Variants in SBNO2 observed in about 807,000 individuals in gnomAD.
SBNO2 encodes the protein strawberry notch homolog 2, also known as protein strawberry notch homolog 2.
Under a neutral mutation model 146.3 loss-of-function variants are expected in SBNO2, and 89 were observed. That is an observed-to-expected ratio of 0.61 (90% CI 0.51 to 0.73). The LOEUF (loss-of-function observed/expected upper bound fraction) is 0.73. SBNO2 is among the 30% of genes least tolerant of loss of function. SBNO2 has a pLI of 0.00. For synonymous variants in SBNO2, 1,147 were observed against 892.6 expected, an observed-to-expected ratio of 1.29 and a Z score of -5.08; for missense variants, 2,092 against 2,003.7, an observed-to-expected ratio of 1.04 and a Z score of -0.84.
At position 1,108,111 on chromosome 19, in the gene SBNO2, C is replaced by T. The variant is rs867752798; in HGVS notation, c.*109G>A. 8.0e-7 allele frequency: 1 copy of T among 1,246,036 alleles called. No individual in the cohort carries two copies. The highest frequency in any genetic ancestry group is 1.0e-6 in the Non-Finnish European group (1 of 955,370). 77.2% of individuals were successfully genotyped at this position (1,246,036 alleles called of 1,614,324 possible). On this transcript the variant is annotated 3_prime_UTR_variant, in exon 32 of 32. Transcript: ENST00000361757. ...GCGCTGAAGGCACTGCGGCCAGGGC[C>T]TAGGGCTCCTCTGAGCAGTGGTCAG...
Position 1,117,332 on chromosome 19 carries a change from C to T in SBNO2, c.1695G>A (p.Ala565=), listed in dbSNP as rs532156386. 90 of 1,567,248 alleles carry T rather than the reference C, an allele frequency of 5.7e-5. 1 individual carries two copies. In the South Asian group the frequency reaches 7.5e-4, roughly 13 times the overall value. Reference sequence around the variant, plus strand: ...GGCCGCAGCCGCTCACCTTGTCTCGCGCCAGCTCCTCTCGGGCCAGCTCCA... The same window carrying T: ...GGCCGCAGCCGCTCACCTTGTCTCGTGCCAGCTCCTCTCGGGCCAGCTCCA... The part of the protein sequence containing the change: ...RLVELAREEL[A]RDKCVVIGLQ... Residue 565 remains alanine (A), a synonymous_variant, in exon 15 of 32, where the codon GCG becomes GCA. Coordinates refer to ENST00000361757, the MANE Select transcript of SBNO2 (RefSeq NM_014963.3).
chr19:1,108,183 T>C lies in SBNO2; in HGVS notation c.*37A>G. ...ACCGCTGCTCCTAGGGGAGAAACGGTCCCTGTGTCTTGGGGCATGTTTCGC... is the reference window on the plus strand; with the variant it reads ...ACCGCTGCTCCTAGGGGAGAAACGGCCCCTGTGTCTTGGGGCATGTTTCGC... On this transcript the variant is annotated 3_prime_UTR_variant, in exon 32 of 32. Transcript: ENST00000361757. 2 of 1,506,704 alleles carry C rather than the reference T, an allele frequency of 1.3e-6. No individual in the cohort carries two copies. The highest frequency in any genetic ancestry group is 2.8e-5 in the East Asian group (1 of 36,350). The allele number at this position is 1,506,704 out of a possible 1,614,324, so 93.3% of individuals were successfully genotyped here.
chr19:1,163,191 T>C (rs969212580), intron 1 of SBNO2, among the ~76,000 whole-genome samples: 1 of 152,150 alleles, frequency 6.6e-6, no homozygotes, highest in African/African-American at 2.4e-5. Context: ...CGTGGTTGGT[T>C]ACAATGAGGA....
intron 1 of SBNO2, among the ~76,000 whole-genome samples, chr19:1,170,553 C>A (rs1198906395): frequency 6.6e-6 from 1 of 152,144 alleles, no homozygotes; most frequent in African/African-American, 2.4e-5. Flanking sequence ...TGCTGTCTGA[C>A]CACACAGCCC....
intron 1 of SBNO2, among the ~76,000 whole-genome samples, chr19:1,165,997 CCCAGA>C: frequency 6.6e-6 from 1 of 151,598 alleles, no homozygotes; most frequent in Non-Finnish European, 1.5e-5. Flanking sequence ...GATCCCAGAC[CCCAGA>C]TCCTAGATCC....
At chr19:1,118,928 G>A (rs751304224) in intron 14 of SBNO2, 83 bp downstream of exon 14, 102 of 1,403,992 alleles carry the variant, frequency 7.3e-5, no homozygotes, top group Non-Finnish European at 8.6e-5. Flanking sequence ...ACCTGATGAC[G>A]CCTGTGGCAT....
In SBNO2 at chr19:1,122,205, G is replaced by A. The variant is rs373096386; in HGVS notation, c.1083C>T (p.Ala361=). The change falls in exon 11 of 32, where the codon GCC becomes GCT. Residue 361 remains alanine, a synonymous_variant. Coordinates refer to ENST00000361757, the MANE Select transcript of SBNO2 (RefSeq NM_014963.3). ...TYSALIGESQ[A]GGQHRTRLRQ... ...GGAGGCGAGTGCGGTGCTGGCCGCC[G>A]GCCTGGCTCTCCCCAATCAGGGCGG... 59 of 1,560,546 alleles carry A rather than the reference G, an allele frequency of 3.8e-5. No homozygotes were observed. In the African/African-American group the frequency reaches 4.5e-4, roughly 12 times the overall value.
rs1320290225 is a variant in SBNO2, at chr19:1,158,692, T to C, written c.-126-4290A>G. On this transcript the variant is annotated intron_variant, in intron 1 of 31. Transcript: ENST00000361757. This position sits in a 1 kb window ranked among gnomAD's most constrained non-coding sequence, Gnocchi z 9.9. ...CCGGCAGAGGCCACCGCACAGTCCC[T>C]GGAGGCCGCATTACCTCAGCCGAGG... Among the ~76,000 whole-genome samples, 1 of 152,130 alleles carries C rather than the reference T, an allele frequency of 6.6e-6. No individual in the cohort carries two copies. Among genetic ancestry groups the C allele is most frequent in the Non-Finnish European group, 1.5e-5 (1 of 67,992 alleles).
rs374380259 is a variant in SBNO2 at position 1,112,929 on chromosome 19, G to T, written c.2268C>A (p.Arg756=). The T allele has an allele frequency of 3.2e-6, 5 of 1,564,734 alleles. No homozygotes were observed. In the African/African-American group the frequency reaches 4.1e-5, roughly 13 times the overall value. Residue 756 remains arginine, a synonymous_variant, in exon 20 of 32, where the codon CGC becomes CGA. Coordinates refer to ENST00000361757, the MANE Select transcript of SBNO2 (RefSeq NM_014963.3). The surrounding 1 kb of genome is among the most constrained non-coding windows in gnomAD (Gnocchi z 5.9). The part of the protein sequence containing the change: ...RVAEMTGRKG[R]VVSRPDGTVA... The stretch of plus-strand genomic sequence containing the variant: ...CCGTCCCGTCGGGCCTGGACACCAC[G>T]CGGCCTTTCCTGCCGGTCATCTGCA...
At position 1,118,968 on chromosome 19, in the gene SBNO2, C is replaced by T. The variant is rs191032843; in HGVS notation, c.1527+43G>A. The T allele has an allele frequency of 2.7e-4, 420 of 1,543,082 alleles. 2 individuals are homozygous for T. In the African/African-American group the frequency reaches 5.0e-3, roughly 18 times the overall value. On this transcript the variant is annotated intron_variant, in intron 14 of 31. Transcript: ENST00000361757. ...AAGGCCACGGGGGAGCAATTTCACC[C>T]GGGAAACGCACAGGGGTCCCCGGGT...
intron 1 of SBNO2, among the ~76,000 whole-genome samples, chr19:1,172,824 G>A (rs1157814277): frequency 2.5e-5 from 3 of 118,344 alleles, no homozygotes; most frequent in African/African-American, 1.0e-4. Flanking sequence ...GCACAGGCCA[G>A]CTCCGAGGCC....
chr19:1,141,103 C>T (rs553542770), intron 4 of SBNO2, among the ~76,000 whole-genome samples: 6 of 151,680 alleles, frequency 4.0e-5, no homozygotes, highest in African/African-American at 1.2e-4. Flanking sequence ...AGACGCGCCC[C>T]GGAGAACACG....
At chr19:1,147,169 G>A (rs147494693) in intron 4 of SBNO2, 140 bp downstream of exon 4, 9,456 of 603,122 alleles carry the variant, frequency 0.016, 117 homozygotes, top group Non-Finnish European at 0.021. Context: ...CTGCCCCACC[G>A]TAAACCCTGC....
rs757140499 is a variant in SBNO2, at chr19:1,110,746, C to T, written c.3027G>A (p.Leu1009=). 6 of 1,613,530 alleles carry T rather than the reference C, an allele frequency of 3.7e-6. No individual in the cohort carries two copies. The highest frequency in any genetic ancestry group is 5.1e-6 in the Non-Finnish European group (6 of 1,179,746). ...CCACACCCCGGCACCTGTGCTCACC[C>T]AGGATGCCCATGTCGTATTTGCCCT... ...KREGKYDMGI[L]DLAPGIEEIY... The change falls in exon 26 of 32, where the codon CTG becomes CTA. Residue 1009 remains leucine, a splice_region_variant and synonymous_variant. Coordinates refer to ENST00000361757, the MANE Select transcript of SBNO2 (RefSeq NM_014963.3). This position sits in a 1 kb window ranked among gnomAD's most constrained non-coding sequence, Gnocchi z 4.9.
Position 1,114,337 on chromosome 19 carries a change from C to A in SBNO2, c.1971G>T (p.Thr657=), listed in dbSNP as rs200891383. 7 of 1,556,926 alleles carry A rather than the reference C, an allele frequency of 4.5e-6. No homozygotes were observed. Among genetic ancestry groups the A allele is most frequent in the African/African-American group, 4.1e-5 (3 of 73,256 alleles). ...CGCTGTCCAGGCCAGGGTCCGACTC[C>A]GTGCTGCTGTCGTCACTGATGCGGA... ...GVIRISDDSS[T]ESDPGLDSDF... Residue 657 remains threonine, a synonymous_variant, in exon 18 of 32, where the codon ACG becomes ACT. Transcript: ENST00000361757.
In SBNO2 at chr19:1,144,615, G is replaced by A. The variant is rs1008778753; in HGVS notation, c.279+2694C>T. 2.0e-5 allele frequency among the ~76,000 whole-genome samples: 3 copies of A among 151,964 alleles called. No homozygotes were observed. Among genetic ancestry groups the A allele is most frequent in the Admixed American group, 1.3e-4 (2 of 15,246 alleles). On this transcript the variant is annotated intron_variant, in intron 4 of 31. Coordinates refer to ENST00000361757, the MANE Select transcript of SBNO2 (RefSeq NM_014963.3). The surrounding 1 kb of genome is among the most constrained non-coding windows in gnomAD (Gnocchi z 4.1). The stretch of plus-strand genomic sequence containing the variant: ...ATAGAGACATAGAGACAGAGGCAGA[G>A]AGGGAAACAGACGAAGACAGAGAGG...
chr19:1,172,626 G>C (rs965818181), intron 1 of SBNO2, among the ~76,000 whole-genome samples: 2 of 152,230 alleles, frequency 1.3e-5, no homozygotes, highest in Admixed American at 1.3e-4. Context: ...TGGCCCGGAG[G>C]AAGAGGCCTG....
chr19:1,113,009 C>T, intron 19 of SBNO2, 60 bp from the exon 20 acceptor site: 1 of 1,502,156 alleles, frequency 6.7e-7, no homozygotes, highest in East Asian at 2.5e-5. Flanking sequence ...GGAGTCTGGC[C>T]ACCCGTGTCT....
At chr19:1,163,316 G>A (rs960651721) in intron 1 of SBNO2, among the ~76,000 whole-genome samples, 4 of 152,230 alleles carry the variant, frequency 2.6e-5, no homozygotes, top group African/African-American at 9.7e-5. Flanking sequence ...AGAGGCTGGA[G>A]TGACGCGGCC....
Sources: gnomAD v4.1 joint callset for allele counts (sites outside exome capture counted in the v4.1 genomes callset) on GRCh38, gnomAD v4.1.1 for gene constraint, Gnocchi (gnomAD v3.1) non-coding constraint, MANE v1.5 for transcripts, NCBI Gene and HGNC (gene_info 2026-07-23, HGNC 2026-07-21) for gene names.